SH3RF1: variants seen among roughly 807,000 people sequenced by gnomAD.
SH3RF1 encodes SH3 domain containing ring finger 1, also known as E3 ubiquitin-protein ligase SH3RF1.
In SH3RF1, 32 loss-of-function variants were observed where a neutral mutation model predicts 74.0. That is an observed-to-expected ratio of 0.43 (90% CI 0.33 to 0.58). SH3RF1 has a LOEUF of 0.58. Among genes scored for constraint, SH3RF1 ranks in the 20% least tolerant of loss-of-function variants. The probability of loss-of-function intolerance (pLI) is 0.05; values close to 1 mark genes in which losing one functional copy is unlikely to be tolerated. For synonymous variants in SH3RF1, 396 were observed against 439.6 expected (o/e 0.90, Z 1.24); for missense variants, 954 against 1,130.9 (o/e 0.84, Z 2.24).
intron 6 of SH3RF1, among the ~76,000 whole-genome samples, chr4:169,126,568 A>G (rs1282155449): frequency 6.6e-6 from 1 of 152,122 alleles, no homozygotes; most frequent in Non-Finnish European, 1.5e-5. Context: ...ACAAACATGT[A>G]TGTGTATAAA....
At chr4:169,208,805 T>C (rs951681503) in intron 2 of SH3RF1, among the ~76,000 whole-genome samples, 3 of 152,060 alleles carry the variant, frequency 2.0e-5, no homozygotes, top group African/African-American at 7.2e-5. Context: ...TCAAGTCCTT[T>C]GTAATTCAAG....
At chr4:169,202,683 A>T (rs1050498887) in intron 2 of SH3RF1, among the ~76,000 whole-genome samples, 1 of 152,242 alleles carries the variant, frequency 6.6e-6, no homozygotes, top group Non-Finnish European at 1.5e-5. Flanking sequence ...TACAGAAATA[A>T]CACAATAATT....
intron 2 of SH3RF1, among the ~76,000 whole-genome samples, chr4:169,169,879 G>C (rs1490756859): frequency 2.0e-5 from 3 of 152,112 alleles, no homozygotes; most frequent in East Asian, 1.9e-4. Context: ...TGGAAATGAG[G>C]CTTTAAAAAT....
intron 2 of SH3RF1, among the ~76,000 whole-genome samples, chr4:169,159,090 C>T (rs1327823367): frequency 2.0e-5 from 3 of 152,096 alleles, no homozygotes; most frequent in African/African-American, 4.8e-5. Flanking sequence ...CCTCCAATGG[C>T]GTCACTTCTG....
intron 2 of SH3RF1, among the ~76,000 whole-genome samples, chr4:169,264,911 T>C (rs368553354): frequency 8.3e-4 from 126 of 152,302 alleles, no homozygotes; most frequent in African/African-American, 1.9e-3. Flanking sequence ...TTTGAAATAT[T>C]CTTCGCCTCT....
chr4:169,183,649 G>A (rs1032630216), intron 2 of SH3RF1, among the ~76,000 whole-genome samples: 4 of 151,952 alleles, frequency 2.6e-5, no homozygotes, highest in African/African-American at 9.7e-5. Flanking sequence ...TTGAGGGACT[G>A]TGGTGGGAGG....
At chr4:169,247,713 G>T (rs1284976569) in intron 2 of SH3RF1, among the ~76,000 whole-genome samples, 1 of 151,824 alleles carries the variant, frequency 6.6e-6, no homozygotes, top group South Asian at 2.1e-4. Flanking sequence ...TCCTGCACAC[G>T]ACAGAAACTG....
chr4:169,200,285 T>C (rs2126989724), intron 2 of SH3RF1, among the ~76,000 whole-genome samples: 1 of 152,302 alleles, frequency 6.6e-6, no homozygotes, highest in South Asian at 2.1e-4. Flanking sequence ...TGTTTTCACA[T>C]ACATATTTCC....
At chr4:169,134,696 T>C (rs190593823) in intron 5 of SH3RF1, among the ~76,000 whole-genome samples, 1 of 152,354 alleles carries the variant, frequency 6.6e-6, no homozygotes, top group East Asian at 1.9e-4. Context: ...TACTCTGATC[T>C]ATGATCCATG....
rs115191456 is a variant in SH3RF1 at position 169,160,545 on chromosome 4, A to G, written c.394-3866T>C. ...AGTCTTGACTGCTAAAATTGTTTCA[A>G]TGATCAATAACCACAAAGAATCATA... is the stretch of plus-strand genomic sequence containing the variant. On this transcript the variant is annotated intron_variant, in intron 2 of 11. Coordinates refer to ENST00000284637, the MANE Select transcript of SH3RF1 (RefSeq NM_020870.4). 9.1e-3 allele frequency among the ~76,000 whole-genome samples: 1,380 copies of G among 152,340 alleles called. 25 individuals carry two copies. Among genetic ancestry groups the G allele is most frequent in the African/African-American group, 0.032 (1,315 of 41,568 alleles).
intron 4 of SH3RF1, among the ~76,000 whole-genome samples, chr4:169,146,405 T>A (rs1290859613): frequency 6.6e-6 from 1 of 151,698 alleles, no homozygotes; most frequent in East Asian, 1.9e-4. Flanking sequence ...TATTTTTGTA[T>A]TTTTAGTAGA....
chr4:169,249,893 T>C (rs569401665), intron 2 of SH3RF1, among the ~76,000 whole-genome samples: 1 of 152,312 alleles, frequency 6.6e-6, no homozygotes, highest in Admixed American at 6.5e-5. Context: ...ATCTCTGACA[T>C]TAATCATCAG....
intron 2 of SH3RF1, among the ~76,000 whole-genome samples, chr4:169,184,664 A>G (rs1490579215): frequency 6.6e-6 from 1 of 152,224 alleles, no homozygotes; most frequent in Non-Finnish European, 1.5e-5. Flanking sequence ...AGGCTGGTAG[A>G]GAAAAGATTC....
Position 169,206,514 on chromosome 4 carries a change from A to C in SH3RF1, c.394-49835T>G, listed in dbSNP as rs552127605. 7.3e-4 allele frequency among the ~76,000 whole-genome samples: 111 copies of C among 152,334 alleles called. 2 individuals carry two copies. Among genetic ancestry groups the C allele is most frequent in the African/African-American group, 2.6e-3 (108 of 41,580 alleles). The stretch of plus-strand genomic sequence containing the variant: ...ATGGTGAGACTCCGTCTCCATAAAA[A>C]ATTTTTAAAAATTATATAAAAACAA... On this transcript the variant is annotated intron_variant, in intron 2 of 11. Coordinates refer to ENST00000284637, the MANE Select transcript of SH3RF1 (RefSeq NM_020870.4).
chr4:169,107,060 G>C lies in SH3RF1; in HGVS notation c.2285C>G (p.Pro762Arg). 1 of 1,613,984 alleles carries C rather than the reference G, an allele frequency of 6.2e-7. No individual in the cohort carries two copies. Among genetic ancestry groups the C allele is most frequent in the Non-Finnish European group, 8.5e-7 (1 of 1,179,992 alleles). Residue 762 changes from proline (P) to arginine (R), a missense_variant, in exon 11 of 12, where the codon CCA becomes CGA. Around this residue, in one of 3 missense-constraint regions of SH3RF1, gnomAD observed 854 missense variants for 962.5 expected, o/e 0.89. Transcript: ENST00000284637. Reference protein sequence around the residue: ...PLQGAVGPELPPGGGHGRAGS... With the variant: ...PLQGAVGPELRPGGGHGRAGS... The stretch of plus-strand genomic sequence containing the variant: ...TGCCCTGCCATGGCCACCTCCTGGT[G>C]GCAGTTCGGGCCCCACCGCTCCCTG...
At chr4:169,143,680 A>G (rs983503114) in intron 4 of SH3RF1, among the ~76,000 whole-genome samples, 13 of 152,182 alleles carry the variant, frequency 8.5e-5, no homozygotes, top group African/African-American at 3.1e-4. Flanking sequence ...AGGGAGGAAC[A>G]CGGACTCCTA....
chr4:169,148,721 T>G (rs890256407), intron 4 of SH3RF1, among the ~76,000 whole-genome samples: 15 of 151,124 alleles, frequency 9.9e-5, no homozygotes, highest in African/African-American at 3.2e-4. Flanking sequence ...GGAGAGGGGG[T>G]TTTTTTTGGT....
rs927346647 is a variant in SH3RF1, at chr4:169,094,704, T to C, written c.*1815A>G. ...AACTAAAGTTCATTTCACCAAACCT[T>C]TATATATTACATGAATATCCAAGTA... On this transcript the variant is annotated 3_prime_UTR_variant, in exon 12 of 12. Transcript: ENST00000284637. 6.6e-6 allele frequency: 1 copy of C among 150,808 alleles called. No homozygotes were observed. Among genetic ancestry groups the C allele is most frequent in the Non-Finnish European group, 1.5e-5 (1 of 67,842 alleles). The allele number at this position is 150,808 out of a possible 1,614,324, so 9.3% of individuals were successfully genotyped here.
At chr4:169,184,679 C>G (rs986377137) in intron 2 of SH3RF1, among the ~76,000 whole-genome samples, 3 of 152,178 alleles carry the variant, frequency 2.0e-5, no homozygotes, top group Non-Finnish European at 4.4e-5. Flanking sequence ...AGATTCCTGA[C>G]TTCCTAATTA....
Sources: allele counts gnomAD v4.1 joint callset (sites outside exome capture counted in the v4.1 genomes callset), GRCh38; gene constraint gnomAD v4.1.1; regional missense constraint gnomAD v4.1.1; transcripts MANE v1.5; gene names NCBI Gene and HGNC (gene_info 2026-07-23, HGNC 2026-07-21).